CSMD1: variants seen among roughly 807,000 people sequenced by gnomAD.
CSMD1 encodes CUB and Sushi multiple domains 1.
A neutral mutation model predicts 417.5 loss-of-function variants in CSMD1; 213 were observed. That is an observed-to-expected ratio of 0.51 (90% CI 0.46 to 0.57). The LOEUF is 0.57. Ranked by LOEUF, CSMD1 falls within the 20% of genes least tolerant of loss-of-function variation. The probability of loss-of-function intolerance (pLI) is 0.00; values close to 1 mark genes in which losing one functional copy is unlikely to be tolerated. For synonymous variants in CSMD1, 2,862 were observed against 1,736.8 expected, an observed-to-expected ratio of 1.65 and a Z score of -16.11; for missense variants, 6,923 against 4,529.7, an observed-to-expected ratio of 1.53 and a Z score of -15.17.
chr8:4,003,170 G>A (rs1463130788), intron 4 of CSMD1, among the ~76,000 whole-genome samples: 3 of 152,130 alleles, frequency 2.0e-5, no homozygotes, highest in African/African-American at 7.2e-5. Context: ...TAGGAGGGTG[G>A]ATCACGAGGT....
intron 48 of CSMD1, among the ~76,000 whole-genome samples, chr8:3,089,235 A>T (rs1814756667): frequency 6.6e-6 from 1 of 152,210 alleles, no homozygotes; most frequent in Non-Finnish European, 1.5e-5. Flanking sequence ...GAAAAGTCTA[A>T]TGGGTACCCA....
At chr8:3,048,925 C>G (rs1390626265) in intron 50 of CSMD1, among the ~76,000 whole-genome samples, 1 of 148,428 alleles carries the variant, frequency 6.7e-6, no homozygotes, top group East Asian at 1.9e-4. Context: ...GGCAAAAGGC[C>G]TGAACAGACA....
intron 1 of CSMD1, among the ~76,000 whole-genome samples, chr8:4,904,779 C>G (rs35005911): frequency 6.6e-6 from 1 of 151,836 alleles, no homozygotes; most frequent in African/African-American, 2.4e-5. Flanking sequence ...AAAACTTCAG[C>G]AGTTATTTTG....
chr8:4,882,737 T>A (rs9650520), intron 1 of CSMD1, among the ~76,000 whole-genome samples: 11,196 of 151,996 alleles, frequency 0.074, 512 homozygotes, highest in Middle Eastern at 0.099. Flanking sequence ...TAATATGTTA[T>A]AATATTATAA....
chr8:3,405,621 C>A (rs1274714058), intron 15 of CSMD1, among the ~76,000 whole-genome samples: 2 of 76 alleles, frequency 0.026, no homozygotes, highest in Non-Finnish European at 0.048. Flanking sequence ...AGAAGGGGAC[C>A]CCCAATCCAA....
intron 1 of CSMD1, among the ~76,000 whole-genome samples, chr8:4,838,789 A>T (rs1800661291): frequency 6.6e-6 from 1 of 152,180 alleles, no homozygotes; most frequent in Non-Finnish European, 1.5e-5. Context: ...GTTTGGTCGG[A>T]ACCGACAGAC....
chr8:3,861,577 T>C (rs1454576791), intron 5 of CSMD1, among the ~76,000 whole-genome samples: 1 of 152,192 alleles, frequency 6.6e-6, no homozygotes, highest in African/African-American at 2.4e-5. Context: ...GAATGGCTCC[T>C]ATGGTATGTG....
chr8:3,109,464 G>A (rs1358949526), intron 43 of CSMD1, among the ~76,000 whole-genome samples: 2 of 152,036 alleles, frequency 1.3e-5, no homozygotes, highest in African/African-American at 2.4e-5. Flanking sequence ...GACTCTGGTC[G>A]TTGTCATCTT....
Position 4,444,859 on chromosome 8 carries a change from C to G in CSMD1, c.303-24794G>C, listed in dbSNP as rs544364174. Among the ~76,000 whole-genome samples, 442 of 152,300 alleles carry G rather than the reference C, an allele frequency of 2.9e-3. 1 individual carries two copies. The highest frequency in any genetic ancestry group is 0.01 in the African/African-American group (427 of 41,560). ...GGTGCAAATGACAACCCAGAGGACTCCTGCTGCAGCCAAGGTAATTGATTG... is the reference window on the plus strand; with the variant it reads ...GGTGCAAATGACAACCCAGAGGACTGCTGCTGCAGCCAAGGTAATTGATTG... On this transcript the variant is annotated intron_variant, in intron 2 of 69. Coordinates refer to ENST00000635120, the MANE Select transcript of CSMD1 (RefSeq NM_033225.6).
chr8:4,881,692 A>C (rs554036678), intron 1 of CSMD1, among the ~76,000 whole-genome samples: 1 of 152,206 alleles, frequency 6.6e-6, no homozygotes, highest in Non-Finnish European at 1.5e-5. Context: ...CTGCAACCTC[A>C]GCCCTTCCAC....
At position 3,473,099 on chromosome 8, in the gene CSMD1, A is replaced by C. The variant is rs112852310; in HGVS notation, c.1449-4275T>G. Among the ~76,000 whole-genome samples the C allele has an allele frequency of 1.2e-4, 19 of 152,318 alleles. 1 individual carries two copies. Among genetic ancestry groups the C allele is most frequent in the African/African-American group, 3.4e-4 (14 of 41,580 alleles). On this transcript the variant is annotated intron_variant, in intron 11 of 69. Coordinates refer to ENST00000635120, the MANE Select transcript of CSMD1 (RefSeq NM_033225.6). ...CGTAATTGTCATGTAAAAAATTCTTACACATTGAAAAGACTTATACTGTCT... is the reference window on the plus strand; with the variant it reads ...CGTAATTGTCATGTAAAAAATTCTTCCACATTGAAAAGACTTATACTGTCT...
chr8:3,062,766 T>C (rs1298294190), intron 49 of CSMD1, among the ~76,000 whole-genome samples: 3 of 152,124 alleles, frequency 2.0e-5, no homozygotes, highest in Non-Finnish European at 2.9e-5. Flanking sequence ...CAGCTAATTA[T>C]TACAGTGAAA....
intron 3 of CSMD1, among the ~76,000 whole-genome samples, chr8:4,224,764 T>C (rs1429435859): frequency 2.6e-5 from 4 of 152,312 alleles, no homozygotes; most frequent in African/African-American, 4.8e-5. Flanking sequence ...TATTAACCTG[T>C]AGTACTCAAA....
intron 2 of CSMD1, among the ~76,000 whole-genome samples, chr8:4,571,591 T>A (rs373198537): frequency 1.6e-4 from 24 of 152,322 alleles, no homozygotes; most frequent in African/African-American, 5.8e-4. Flanking sequence ...ATAAGTGCTA[T>A]GTGGTGCTGA....
intron 1 of CSMD1, among the ~76,000 whole-genome samples, chr8:4,712,377 A>G (rs1564180): frequency 0.51 from 77,751 of 152,058 alleles, 20,295 homozygotes; most frequent in Admixed American, 0.62. Flanking sequence ...GCACACACAG[A>G]ACTGTCTAAT....
At chr8:4,697,510 A>G (rs1054703744) in intron 1 of CSMD1, among the ~76,000 whole-genome samples, 1 of 152,182 alleles carries the variant, frequency 6.6e-6, no homozygotes, top group African/African-American at 2.4e-5. Context: ...TTTAGGTGGA[A>G]TTCTATGTCC....
At position 2,987,608 on chromosome 8, in the gene CSMD1, C is replaced by G. The variant is rs138444480; in HGVS notation, c.8378-8808G>C. On this transcript the variant is annotated intron_variant, in intron 54 of 69. Coordinates refer to ENST00000635120, the MANE Select transcript of CSMD1 (RefSeq NM_033225.6). ...CAATTTTTGCTGTAAGGAATGTACA[C>G]TGCATTATGAGAAATGAACACATGA... Among the ~76,000 whole-genome samples the G allele has an allele frequency of 4.7e-3, 710 of 152,280 alleles. 4 individuals are homozygous for G. The highest frequency in any genetic ancestry group is 0.016 in the African/African-American group (674 of 41,578).
intron 7 of CSMD1, among the ~76,000 whole-genome samples, chr8:3,672,280 C>T (rs1465298168): frequency 6.6e-6 from 1 of 152,148 alleles, no homozygotes; most frequent in South Asian, 2.1e-4. Flanking sequence ...GAGTCTTAAC[C>T]ATAAATTAAG....
chr8:4,289,810 T>C (rs1470039783), intron 3 of CSMD1, among the ~76,000 whole-genome samples: 1 of 152,194 alleles, frequency 6.6e-6, no homozygotes, highest in African/African-American at 2.4e-5. Context: ...TTGTCTGCCA[T>C]GTGTTCACAA....
Sources: allele counts gnomAD v4.1 joint callset (sites outside exome capture counted in the v4.1 genomes callset), GRCh38; gene constraint gnomAD v4.1.1; transcripts MANE v1.5; gene names NCBI Gene and HGNC (gene_info 2026-07-23, HGNC 2026-07-21).